Variants in CDK15 observed in about 807,000 individuals in gnomAD.
The protein encoded by CDK15 is cyclin-dependent kinase 15.
A neutral mutation model predicts 60.3 loss-of-function variants in CDK15; 62 were observed. The ratio of observed to expected loss-of-function variants is 1.03; its 90% CI spans 0.84 to 1.27. The LOEUF is 1.27. CDK15 is among the 50% of genes most tolerant of loss of function. CDK15 has a pLI of 0.00. For missense variants in CDK15, 541 were observed against 527.8 expected, an observed-to-expected ratio of 1.03 and a Z score of -0.25; for synonymous variants, 194 against 195.7, an observed-to-expected ratio of 0.99 and a Z score of 0.07.
At chr2:201,885,128 A>G (rs1285591920) in intron 12 of CDK15, among the ~76,000 whole-genome samples, 1 of 152,232 alleles carries the variant, frequency 6.6e-6, no homozygotes, top group Admixed American at 6.5e-5. Flanking sequence ...TTTTAATCAT[A>G]GTGGCTCAGT....
intron 4 of CDK15, among the ~76,000 whole-genome samples, chr2:201,820,700 G>C (rs1696183475): frequency 6.6e-6 from 1 of 152,086 alleles, no homozygotes; most frequent in African/African-American, 2.4e-5. Flanking sequence ...GTACTAGGTG[G>C]TGTGGCAGCA....
At chr2:201,874,132 A>G (rs575252348) in intron 11 of CDK15, among the ~76,000 whole-genome samples, 94 of 152,010 alleles carry the variant, frequency 6.2e-4, no homozygotes, top group Middle Eastern at 6.9e-3. Context: ...TGTCTAATAC[A>G]GTAGCCATTA....
chr2:201,847,292 A>T (rs1046038304), intron 8 of CDK15, 89 bp from the exon 9 acceptor site: 1 of 1,311,744 alleles, frequency 7.6e-7, no homozygotes, highest in Non-Finnish European at 1.1e-6. Flanking sequence ...TCTCCCTAAA[A>T]TATTTCTTGG....
chr2:201,888,856 G>A (rs1053644075), intron 12 of CDK15: 1 of 1,059,202 alleles, frequency 9.4e-7, no homozygotes, highest in African/African-American at 1.7e-5. Context: ...TCCCCAAATG[G>A]TTTGGATTTG....
chr2:201,868,225 G>A (rs957966019), intron 10 of CDK15, among the ~76,000 whole-genome samples: 3 of 151,730 alleles, frequency 2.0e-5, no homozygotes, highest in Non-Finnish European at 4.4e-5. Flanking sequence ...AGAGAAGCAG[G>A]AAAAAAAGAG....
At chr2:201,835,526 T>C in intron 7 of CDK15, 117 bp from the exon 8 acceptor site, 1 of 1,136,248 alleles carries the variant, frequency 8.8e-7, no homozygotes, top group Admixed American at 2.7e-5. Flanking sequence ...TTAGTTCTAC[T>C]AAAAGCACCT....
At chr2:201,840,204 C>T (rs548344383) in intron 8 of CDK15, among the ~76,000 whole-genome samples, 9 of 152,134 alleles carry the variant, frequency 5.9e-5, no homozygotes, top group Non-Finnish European at 1.3e-4. Flanking sequence ...AGGCTGGTTT[C>T]GAACTTTAGA....
At chr2:201,834,082 G>A in intron 7 of CDK15, 111 bp downstream of exon 7, 1 of 1,285,572 alleles carries the variant, frequency 7.8e-7, no homozygotes, top group Non-Finnish European at 1.0e-6. Context: ...CCAAGAACAT[G>A]ATGCTTTGTG....
At chr2:201,810,018 C>T (rs571768277) in intron 3 of CDK15, among the ~76,000 whole-genome samples, 7 of 151,414 alleles carry the variant, frequency 4.6e-5, no homozygotes, top group African/African-American at 9.7e-5. Context: ...TCGGCACCAC[C>T]GCACTCCAGC....
At chr2:201,877,224 A>T (rs1261608327) in intron 11 of CDK15, among the ~76,000 whole-genome samples, 4 of 152,194 alleles carry the variant, frequency 2.6e-5, no homozygotes, top group African/African-American at 9.7e-5. Flanking sequence ...TGCCATGCTA[A>T]CACAAGTTTA....
At chr2:201,862,673 A>G (rs1175483459) in intron 10 of CDK15, among the ~76,000 whole-genome samples, 1 of 152,180 alleles carries the variant, frequency 6.6e-6, no homozygotes, top group Admixed American at 6.5e-5. Flanking sequence ...TACTTTACTG[A>G]TGAGAGAGCT....
chr2:201,868,156 A>G (rs779335820), intron 10 of CDK15, among the ~76,000 whole-genome samples: 9 of 152,224 alleles, frequency 5.9e-5, no homozygotes, highest in Non-Finnish European at 1.2e-4. Context: ...TCCAAGGAGA[A>G]CTAACAATAA....
intron 9 of CDK15, among the ~76,000 whole-genome samples, chr2:201,852,994 A>G (rs1697979969): frequency 6.6e-6 from 1 of 152,112 alleles, no homozygotes; most frequent in Admixed American, 6.6e-5. Context: ...TATTTCTTCT[A>G]TTGTTTTCTC....
At chr2:201,883,463 G>A (rs1001292040) in intron 12 of CDK15, among the ~76,000 whole-genome samples, 1 of 152,190 alleles carries the variant, frequency 6.6e-6, no homozygotes, top group Non-Finnish European at 1.5e-5. Flanking sequence ...GGTTGTGGCA[G>A]TACGCTTAGA....
At chr2:201,836,059 T>A (rs1452454930) in intron 8 of CDK15, among the ~76,000 whole-genome samples, 78 of 6,504 alleles carry the variant, frequency 0.012, no homozygotes, top group Non-Finnish European at 0.03. Context: ...ATATATATAT[T>A]ATATATATTT....
At chr2:201,867,737 C>G (rs1277752472) in intron 10 of CDK15, among the ~76,000 whole-genome samples, 1 of 152,140 alleles carries the variant, frequency 6.6e-6, no homozygotes, top group Admixed American at 6.6e-5. Context: ...GTAAAGGTTT[C>G]CAGACGATGC....
chr2:201,822,960 T>C, intron 5 of CDK15, 57 bp downstream of exon 5: 1 of 970,678 alleles, frequency 1.0e-6, no homozygotes, highest in South Asian at 1.3e-5. Flanking sequence ...ACTTGTATAA[T>C]GAATCTGTTA....
chr2:201,863,007 C>T (rs1305957251), intron 10 of CDK15, among the ~76,000 whole-genome samples: 2 of 152,180 alleles, frequency 1.3e-5, no homozygotes, highest in Admixed American at 6.5e-5. Flanking sequence ...TCCCTCGCTA[C>T]AGCTAATGAA....
intron 12 of CDK15, chr2:201,889,150 C>T (rs559517843): frequency 1.5e-4 from 146 of 985,368 alleles, no homozygotes; most frequent in Admixed American, 2.5e-4. Context: ...TTTATTTCTT[C>T]CCTTTGGGTG....
Sources: gnomAD v4.1 joint callset for allele counts (sites outside exome capture counted in the v4.1 genomes callset) on GRCh38, gnomAD v4.1.1 for gene constraint, MANE v1.5 for transcripts, NCBI Gene and HGNC (gene_info 2026-07-23, HGNC 2026-07-21) for gene names.